Variants in ATP8B4 observed in about 807,000 individuals in gnomAD.
The protein encoded by ATP8B4 is ATPase phospholipid transporting 8B4 (putative).
Under a neutral mutation model 145.6 loss-of-function variants are expected in ATP8B4, and 133 were observed. The observed-to-expected ratio is 0.91, with a 90% confidence interval of 0.79 to 1.05. ATP8B4 has a LOEUF of 1.05. Ranked by LOEUF, ATP8B4 falls within the 50% of genes least tolerant of loss-of-function variation. ATP8B4 has a pLI of 0.00. For synonymous variants in ATP8B4, 507 were observed against 492.9 expected, an observed-to-expected ratio of 1.03 and a Z score of -0.38; for missense variants, 1,458 against 1,425.2, an observed-to-expected ratio of 1.02 and a Z score of -0.37.
At chr15:50,052,495 G>A (rs918473653) in intron 3 of ATP8B4, among the ~76,000 whole-genome samples, 5 of 152,214 alleles carry the variant, frequency 3.3e-5, no homozygotes, top group African/African-American at 9.6e-5. Flanking sequence ...TGAATGTGAG[G>A]AAGCACATGT....
intron 1 of ATP8B4, among the ~76,000 whole-genome samples, chr15:50,175,348 A>G (rs2044746445): frequency 6.6e-6 from 1 of 152,224 alleles, no homozygotes; most frequent in South Asian, 2.1e-4. Flanking sequence ...AGCAGAGTAA[A>G]TAGACAATCC....
chr15:50,038,648 T>G, intron 6 of ATP8B4, 120 bp downstream of exon 6: 1 of 749,478 alleles, frequency 1.3e-6, no homozygotes, highest in East Asian at 2.8e-5. Context: ...AGTTCAATTT[T>G]TAATAAATTA....
chr15:50,052,085 A>G (rs1355199696), intron 3 of ATP8B4, among the ~76,000 whole-genome samples: 1 of 152,168 alleles, frequency 6.6e-6, no homozygotes, highest in Non-Finnish European at 1.5e-5. Context: ...AGCAAAACAC[A>G]TTTCCATTTC....
intron 25 of ATP8B4, 140 bp from the exon 26 acceptor site, chr15:49,866,624 A>G: frequency 1.1e-6 from 1 of 893,506 alleles, no homozygotes; most frequent in Non-Finnish European, 1.7e-6. Context: ...GGGCATCCCC[A>G]CTTTCTGAAC....
intron 13 of ATP8B4, among the ~76,000 whole-genome samples, chr15:49,965,982 G>T (rs1043610374): frequency 2.5e-4 from 38 of 152,164 alleles, no homozygotes; most frequent in Non-Finnish European, 5.0e-4. Flanking sequence ...AGCAGAAATA[G>T]GGTGGGGTGT....
At chr15:49,987,888 A>G (rs2046755721) in intron 9 of ATP8B4, among the ~76,000 whole-genome samples, 1 of 152,244 alleles carries the variant, frequency 6.6e-6, no homozygotes, top group African/African-American at 2.4e-5. Context: ...TAAAGCAGTG[A>G]CTGTCCTAAA....
intron 25 of ATP8B4, among the ~76,000 whole-genome samples, chr15:49,873,902 TG>T (rs1482840691): frequency 6.6e-6 from 1 of 152,234 alleles, no homozygotes; most frequent in Non-Finnish European, 1.5e-5. Flanking sequence ...TCTCTCAGAC[TG>T]GTTGGAAACT....
chr15:50,171,190 C>T (rs963659025), intron 1 of ATP8B4, among the ~76,000 whole-genome samples: 1 of 152,092 alleles, frequency 6.6e-6, no homozygotes, highest in Non-Finnish European at 1.5e-5. Context: ...TTATACTATA[C>T]CTTGGAACAA....
chr15:50,154,888 C>G (rs1016682458), intron 1 of ATP8B4, among the ~76,000 whole-genome samples: 1 of 152,028 alleles, frequency 6.6e-6, no homozygotes, highest in African/African-American at 2.4e-5. Flanking sequence ...GTTGGCCAGG[C>G]TGGACAGCAA....
At chr15:50,131,137 C>T (rs1446397953) in intron 1 of ATP8B4, among the ~76,000 whole-genome samples, 1 of 152,050 alleles carries the variant, frequency 6.6e-6, no homozygotes, top group Non-Finnish European at 1.5e-5. Context: ...GGAAACTGCC[C>T]CCATGATTCA....
At chr15:50,067,477 G>A (rs1366412499) in intron 3 of ATP8B4, among the ~76,000 whole-genome samples, 3 of 152,074 alleles carry the variant, frequency 2.0e-5, no homozygotes, top group Non-Finnish European at 4.4e-5. Context: ...AAACAAGGCA[G>A]GAATCATTTC....
At position 49,919,572 on chromosome 15, in the gene ATP8B4, C is replaced by T. The variant is rs542994553; in HGVS notation, c.1924-622G>A. ...AGTTGGGACTACAGGCGCCCGCCACCGCACCCGGCTAATTTTTTGTAATTT... is the reference window on the plus strand; with the variant it reads ...AGTTGGGACTACAGGCGCCCGCCACTGCACCCGGCTAATTTTTTGTAATTT... On this transcript the variant is annotated intron_variant, in intron 18 of 27. Transcript: ENST00000284509. Among the ~76,000 whole-genome samples, 8 of 152,248 alleles carry T rather than the reference C, an allele frequency of 5.3e-5. No homozygotes were observed. The East Asian group carries it at 1.4e-3, about 26-fold the overall frequency.
intron 2 of ATP8B4, among the ~76,000 whole-genome samples, chr15:50,088,108 T>G (rs2055337741): frequency 6.6e-6 from 1 of 151,924 alleles, no homozygotes; most frequent in East Asian, 1.9e-4. Context: ...TAGATCCAGG[T>G]TGGGCACGGT....
At chr15:50,166,954 T>TA (rs1446804293) in intron 1 of ATP8B4, among the ~76,000 whole-genome samples, 3 of 152,206 alleles carry the variant, frequency 2.0e-5, no homozygotes, top group Non-Finnish European at 2.9e-5. Flanking sequence ...AGTGATCCGT[T>TA]AATTTGAGAT....
chr15:50,177,532 T>A (rs2044781798), intron 1 of ATP8B4, among the ~76,000 whole-genome samples: 1 of 152,204 alleles, frequency 6.6e-6, no homozygotes, highest in Non-Finnish European at 1.5e-5. Context: ...TTTTTTCACA[T>A]GAACTCTACA....
upstream of ATP8B4, among the ~76,000 whole-genome samples, chr15:50,120,519 C>A (rs1447110332): frequency 1.3e-5 from 2 of 152,098 alleles, no homozygotes; most frequent in Non-Finnish European, 2.9e-5. Flanking sequence ...GGGCCTTTTC[C>A]TTTTCCTATA....
rs902638219 is a variant in ATP8B4, at chr15:50,103,450, A to G, written c.28+3489T>C. 2.6e-5 allele frequency among the ~76,000 whole-genome samples: 4 copies of G among 152,154 alleles called. No individual in the cohort carries two copies. In the East Asian group the frequency reaches 7.7e-4, roughly 29 times the overall value. On this transcript the variant is annotated intron_variant, in intron 2 of 27. Transcript: ENST00000284509. ...AGTAGCCCTGCTATACACCAACAGCAATCAAGCTGAGAATCAAATGAAGAA... is the reference window on the plus strand; with the variant it reads ...AGTAGCCCTGCTATACACCAACAGCGATCAAGCTGAGAATCAAATGAAGAA...
intron 25 of ATP8B4, 92 bp from the exon 26 acceptor site, chr15:49,866,576 C>T: frequency 6.7e-7 from 1 of 1,500,726 alleles, no homozygotes; most frequent in Non-Finnish European, 9.1e-7. Context: ...TGCCCTGTGG[C>T]AGGAAGTTTG....
At chr15:50,051,159 T>C (rs1440904914) in intron 3 of ATP8B4, among the ~76,000 whole-genome samples, 1 of 152,186 alleles carries the variant, frequency 6.6e-6, no homozygotes, top group Non-Finnish European at 1.5e-5. Context: ...CTCATGATAG[T>C]GAGTGAGTTT....
Sources: gnomAD v4.1 joint callset for allele counts (sites outside exome capture counted in the v4.1 genomes callset) on GRCh38, gnomAD v4.1.1 for gene constraint, MANE v1.5 for transcripts, NCBI Gene and HGNC (gene_info 2026-07-23, HGNC 2026-07-21) for gene names.